The following SMTN variants were observed in gnomAD, a reference collection of about 807,000 sequenced individuals.
The protein encoded by SMTN is smoothelin.
In SMTN, 58 loss-of-function variants were observed where a neutral mutation model predicts 102.0. The observed-to-expected ratio is 0.57, with a 90% CI of 0.46 to 0.71. The LOEUF (loss-of-function observed/expected upper bound fraction) is 0.71. SMTN is among the 30% of genes least tolerant of loss of function. The pLI is 0.00. For missense variants in SMTN, 1,185 were observed against 1,241.7 expected, an observed-to-expected ratio of 0.95 and a Z score of 0.69; for synonymous variants, 478 against 497.9, an observed-to-expected ratio of 0.96 and a Z score of 0.53.
intron 1 of SMTN, among the ~76,000 whole-genome samples, chr22:31,070,408 A>G (rs1331574507): frequency 6.6e-6 from 1 of 151,358 alleles, no homozygotes; most frequent in Non-Finnish European, 1.5e-5. Flanking sequence ...TACCCTTCAT[A>G]CTTCACTCAC....
chr22:31,084,857 C>T (rs2042555251), intron 2 of SMTN: 3 of 839,072 alleles, frequency 3.6e-6, no homozygotes, highest in South Asian at 2.5e-5. Flanking sequence ...ACCCGGCGCC[C>T]GCCATTACTG....
intron 1 of SMTN, among the ~76,000 whole-genome samples, chr22:31,074,680 C>T (rs1474608754): frequency 1.3e-5 from 2 of 152,280 alleles, no homozygotes; most frequent in East Asian, 3.9e-4. Context: ...ATCCTAGCTA[C>T]TCACTACTCG....
chr22:31,095,146 C>T lies in SMTN; in HGVS notation c.1633-157C>T, dbSNP rs768514300. Among the ~76,000 whole-genome samples, 3 of 152,222 alleles carry T rather than the reference C, an allele frequency of 2.0e-5. No individual in the cohort carries two copies. Among genetic ancestry groups the T allele is most frequent in the Non-Finnish European group, 2.9e-5 (2 of 68,042 alleles). ...CTGTCAGTGCCTCTTCCCTGACTGA[C>T]GCTGACATGGCCATCTTTGGGCAGG... On this transcript the variant is annotated intron_variant, in intron 11 of 20. Transcript: ENST00000333137. The surrounding 1 kb of genome is among the most constrained non-coding windows in gnomAD (Gnocchi z 4.1).
At chr22:31,085,406 G>A in intron 2 of SMTN, 1 of 899,422 alleles carries the variant, frequency 1.1e-6, no homozygotes, top group Non-Finnish European at 1.6e-6. Context: ...ATGGGCAACC[G>A]GGGGAGCTGG....
intron 20 of SMTN, chr22:31,103,212 G>C (rs555281639): frequency 6.6e-6 from 1 of 152,294 alleles, no homozygotes; most frequent in African/African-American, 2.4e-5. Flanking sequence ...AGGTGGTCTT[G>C]GGTTCTCAGG....
rs370738960 is a variant in SMTN at position 31,095,269 on chromosome 22, T to C, written c.1633-34T>C. 1.9e-6 allele frequency: 3 copies of C among 1,609,482 alleles called. No individual in the cohort carries two copies. The highest frequency in any genetic ancestry group is 4.5e-5 in the East Asian group (2 of 44,858). On this transcript the variant is annotated intron_variant, in intron 11 of 20. Transcript: ENST00000333137. This position sits in a 1 kb window ranked among gnomAD's most constrained non-coding sequence, Gnocchi z 4.1. ...ACATGATGAGTTTCACCCATACCCC[T>C]GCTTAAAGTCCATGCCCTCTCCCCA...
chr22:31,072,544 G>A (rs1327062094), intron 1 of SMTN, among the ~76,000 whole-genome samples: 4 of 151,886 alleles, frequency 2.6e-5, no homozygotes, highest in South Asian at 4.2e-4. Flanking sequence ...TCACTGCAAC[G>A]TCCGCCTTCC....
rs781573730 is a variant in SMTN, at chr22:31,088,567, G to A, written c.255G>A (p.Gln85=). Residue 85 remains glutamine (Q), a synonymous_variant, in exon 4 of 21, where the codon CAG becomes CAA. Coordinates refer to ENST00000333137, the MANE Select transcript of SMTN (RefSeq NM_134269.3). ...QRAALARLAG[Q]LESMNDVEEL... ...CTGCCCTGGCACGGCTGGCAGGGCA[G>A]CTGGAGTCCATGAACGATGTGGAGG... The A allele has an allele frequency of 2.0e-4, 327 of 1,613,676 alleles. No individual in the cohort carries two copies. Among genetic ancestry groups the A allele is most frequent in the Non-Finnish European group, 2.4e-4 (286 of 1,179,952 alleles).
In SMTN at chr22:31,095,330, G is replaced by A. The variant is rs562622422; in HGVS notation, c.1660G>A (p.Ala554Thr). The change falls in exon 12 of 21, where the codon GCT (alanine) becomes ACT (threonine). Residue 554 changes from alanine to threonine, a missense_variant. Ala to Thr is a moderately conservative substitution (Grantham distance 58, BLOSUM62 0). Transcript: ENST00000333137. The surrounding 1 kb of genome is among the most constrained non-coding windows in gnomAD (Gnocchi z 4.1). ...KMEAEPAEPL[A>T]AAVEAANGAE... ...GGAAGCAGAGCCAGCAGAGCCTCTC[G>A]CTGCAGCAGTGGAAGCGGCCAATGG... The A allele has an allele frequency of 9.3e-5, 150 of 1,614,096 alleles. 1 individual carries two copies. The South Asian group carries it at 1.5e-3, about 16-fold the overall frequency.
At chr22:31,084,375 A>G (rs1341738867) in intron 2 of SMTN, among the ~76,000 whole-genome samples, 1 of 152,244 alleles carries the variant, frequency 6.6e-6, no homozygotes, top group African/African-American at 2.4e-5. Context: ...AGCGTAGCCC[A>G]GCCACTGGGC....
Position 31,096,798 on chromosome 22 carries a change from G to T in SMTN, c.1927G>T (p.Gly643Cys), listed in dbSNP as rs139326018. 2 of 1,568,194 alleles carry T rather than the reference G, an allele frequency of 1.3e-6. No individual in the cohort carries two copies. Among genetic ancestry groups the T allele is most frequent in the Non-Finnish European group, 8.6e-7 (1 of 1,158,222 alleles). Residue 643 changes from glycine to cysteine, a missense_variant, in exon 14 of 21, where the codon GGC (glycine) becomes TGC (cysteine). Around this residue, in one of 2 missense-constraint regions of SMTN, gnomAD observed 1,096 missense variants for 1,112.7 expected, o/e 0.98. Transcript: ENST00000333137. ...EARGRPGEGR[G>C]NTATETTTRH... ...ACGGGGCCGGCCAGGGGAGGGGCGCGGCAACACAGCCACTGAGACCACCAC... is the reference window on the plus strand; with the variant it reads ...ACGGGGCCGGCCAGGGGAGGGGCGCTGCAACACAGCCACTGAGACCACCAC...
At position 31,098,929 on chromosome 22, in the gene SMTN, G is replaced by T. The variant is rs919927253; in HGVS notation, c.2333+89G>T. ...TTGATAGTTGGCCCGGCAGAGGCGG[G>T]AAGACCGCGCGGCTAGATCTGTGGT... On this transcript the variant is annotated intron_variant, in intron 17 of 20. Transcript: ENST00000333137. 6.9e-5 allele frequency: 108 copies of T among 1,555,976 alleles called. 5 individuals are homozygous for T. In the South Asian group the frequency reaches 1.2e-3, roughly 17 times the overall value.
chr22:31,099,197 AG>A lies in SMTN; in HGVS notation c.2451+23del. 5 of 1,578,768 alleles carry A rather than the reference AG, an allele frequency of 3.2e-6. No individual in the cohort carries two copies. Among genetic ancestry groups the A allele is most frequent in the Admixed American group, 3.4e-5 (2 of 59,584 alleles). ...GCTACGAGGTGAGCCCCGGGAGGCC[AG>A]GGGGCCTGGAGGCCTCCCCAGACCC... is the stretch of plus-strand genomic sequence containing the variant. On this transcript the variant is annotated intron_variant, in intron 18 of 20. Transcript: ENST00000333137.
chr22:31,077,905 A>G (rs5021960), upstream of SMTN, among the ~76,000 whole-genome samples: 43,740 of 152,122 alleles, frequency 0.29, 7,927 homozygotes, highest in African/African-American at 0.52. Context: ...ATGACCTAGG[A>G]CGCATCCAGT....
intron 1 of SMTN, among the ~76,000 whole-genome samples, chr22:31,071,473 A>G (rs1462413900): frequency 6.6e-6 from 1 of 151,830 alleles, no homozygotes; most frequent in African/African-American, 2.4e-5. Context: ...CTCTACAAAA[A>G]ATAAAATACA....
chr22:31,077,091 GATGGTAGAAT>G (rs1569232878), upstream of SMTN, among the ~76,000 whole-genome samples: 1 of 152,198 alleles, frequency 6.6e-6, no homozygotes, highest in Non-Finnish European at 1.5e-5. Flanking sequence ...CCAAATGGTG[GATGGTAGAAT>G]ATGGTGATTA....
chr22:31,099,859 C>A lies in SMTN; in HGVS notation c.2566C>A (p.Arg856=), dbSNP rs767859341. The A allele has an allele frequency of 6.2e-7, 1 of 1,614,062 alleles. No individual in the cohort carries two copies. Among genetic ancestry groups the A allele is most frequent in the Non-Finnish European group, 8.5e-7 (1 of 1,179,924 alleles). ...CTATGGGCAGCTTAGCCCTCAGAAC[C>A]GACGCCAGAACTTCGAGGTGGCCTT... ...FDYGQLSPQN[R]RQNFEVAFSS... The change falls in exon 19 of 21, where the codon CGA becomes AGA. Residue 856 remains arginine (R), a synonymous_variant. Transcript: ENST00000333137.
rs762131666 is a variant in SMTN, at chr22:31,090,822, C to T, written c.880C>T (p.Arg294Ter). The change falls in exon 9 of 21, where the codon CGA becomes TGA. Residue 294 changes from arginine to a stop codon, truncating the protein, a stop_gained. Transcript: ENST00000333137. LOFTEE classifies it high-confidence loss of function. ...CAACCTGCCAGACGTGGCTGGACCC[C>T]GACCCTGCCAACGCTCCCTGTCGGT... is the stretch of plus-strand genomic sequence containing the variant. ...DTKRADVAGP[R>*]PCQRSLSVLS... 1.2e-6 allele frequency: 2 copies of T among 1,613,770 alleles called. No homozygotes were observed. Among genetic ancestry groups the T allele is most frequent in the Non-Finnish European group, 1.7e-6 (2 of 1,179,770 alleles).
rs925779995 is a variant in SMTN, at chr22:31,095,216, C to T, written c.1633-87C>T. 14 of 1,418,260 alleles carry T rather than the reference C, an allele frequency of 9.9e-6. No individual in the cohort carries two copies. Among genetic ancestry groups the T allele is most frequent in the African/African-American group, 1.4e-5 (1 of 70,692 alleles). The allele number at this position is 1,418,260 out of a possible 1,614,324, so 87.9% of individuals were successfully genotyped here. ...TTATTTCCAAGGCGTGCCAGCAACCCTAGGATCTGCTTCCCTATCCATTGG... is the reference window on the plus strand; with the variant it reads ...TTATTTCCAAGGCGTGCCAGCAACCTTAGGATCTGCTTCCCTATCCATTGG... On this transcript the variant is annotated intron_variant, in intron 11 of 20. Coordinates refer to ENST00000333137, the MANE Select transcript of SMTN (RefSeq NM_134269.3). The surrounding 1 kb of genome is among the most constrained non-coding windows in gnomAD (Gnocchi z 4.1).
Sources: gnomAD v4.1 joint callset for allele counts (sites outside exome capture counted in the v4.1 genomes callset) on GRCh38, gnomAD v4.1.1 for gene constraint, gnomAD v4.1.1 regional missense constraint, Gnocchi (gnomAD v3.1) non-coding constraint, MANE v1.5 for transcripts, NCBI Gene and HGNC (gene_info 2026-07-23, HGNC 2026-07-21) for gene names.